The following MET variants were observed in gnomAD, a reference collection of about 807,000 sequenced individuals.
MET encodes hepatocyte growth factor receptor.
Under a neutral mutation model 133.1 loss-of-function variants are expected in MET, and 48 were observed. The ratio of observed to expected loss-of-function variants is 0.36; its 90% confidence interval spans 0.29 to 0.46. The LOEUF (loss-of-function observed/expected upper bound fraction) is 0.46, where lower values mean the gene tolerates loss of function less well. Ranked by LOEUF, MET falls within the 20% of genes least tolerant of loss-of-function variation. MET has a pLI of 1.00. For missense variants in MET, 1,442 were observed against 1,695.9 expected (o/e 0.85, Z 2.63); for synonymous variants, 628 against 616.5 (o/e 1.02, Z -0.28).
chr7:116,787,125 G>A (rs1795338751), intron 19 of MET, among the ~76,000 whole-genome samples: 1 of 152,152 alleles, frequency 6.6e-6, no homozygotes, highest in Admixed American at 6.5e-5. Context: ...AAGTGATAGT[G>A]CCATGTAGAG....
rs1554379158 is a variant in MET, at chr7:116,700,213, A to G, written c.1129A>G (p.Ile377Val). Residue 377 changes from isoleucine (I) to valine (V), a missense_variant, in exon 2 of 21, where the codon ATC becomes GTC. Ile to Val is a conservative substitution (Grantham distance 29). Around this residue, in one of 6 missense-constraint regions of MET, gnomAD observed 762 missense variants for 792.4 expected, o/e 0.96. Transcript: ENST00000397752. ...ATATGTCAACGACTTCTTCAACAAG[A>G]TCGTCAACAAAAACAATGTGAGATG... ...IKYVNDFFNK[I>V]VNKNNVRCLQ... 1 of 1,595,048 alleles carries G rather than the reference A, an allele frequency of 6.3e-7. No individual in the cohort carries two copies. The highest frequency in any genetic ancestry group is 8.5e-7 in the Non-Finnish European group (1 of 1,174,238).
chr7:116,749,736 A>G (rs1430833139), intron 5 of MET, among the ~76,000 whole-genome samples: 1 of 152,216 alleles, frequency 6.6e-6, no homozygotes, highest in Non-Finnish European at 1.5e-5. Flanking sequence ...AAATCTCCTT[A>G]AGCTGATAAG....
intron 1 of MET, among the ~76,000 whole-genome samples, chr7:116,695,014 C>G (rs900817628): frequency 1.3e-5 from 2 of 152,184 alleles, no homozygotes; most frequent in Non-Finnish European, 2.9e-5. Flanking sequence ...GTCATTCACA[C>G]TTCACACTGC....
At chr7:116,780,628 G>A (rs1795129989) in intron 17 of MET, among the ~76,000 whole-genome samples, 1 of 152,208 alleles carries the variant, frequency 6.6e-6, no homozygotes, top group African/African-American at 2.4e-5. Context: ...TTTAATCCAA[G>A]GAGCTGATAC....
At chr7:116,734,326 A>AC (rs1793133211) in intron 3 of MET, among the ~76,000 whole-genome samples, 1 of 152,122 alleles carries the variant, frequency 6.6e-6, no homozygotes, top group African/African-American at 2.4e-5. Context: ...TGCTTTGCAA[A>AC]TTTTTTTCTC....
At chr7:116,782,195 T>A in intron 18 of MET, 98 bp downstream of exon 18, 3 of 844,758 alleles carry the variant, frequency 3.6e-6, no homozygotes, top group Non-Finnish European at 5.9e-6. Flanking sequence ...TCTCTTCTTA[T>A]GCAAAAGTCC....
chr7:116,735,392 C>T (rs1311467716), intron 3 of MET, among the ~76,000 whole-genome samples: 1 of 152,224 alleles, frequency 6.6e-6, no homozygotes, highest in East Asian at 1.9e-4. Flanking sequence ...ACTTAAAGGA[C>T]TGTGTTAGTA....
intron 19 of MET, among the ~76,000 whole-genome samples, chr7:116,790,647 C>G (rs75217062): frequency 6.6e-6 from 1 of 151,980 alleles, no homozygotes; most frequent in African/African-American, 2.4e-5. Context: ...ATTGCTGGAT[C>G]ATATGGTAAT....
rs1793416195 is a variant in MET, at chr7:116,740,826, G to A, written c.1528-26G>A. The stretch of plus-strand genomic sequence containing the variant: ...TAACAAACTAGATACCCCTCTGGAA[G>A]CTCTTTCCACCCCTTCTCTTCACAG... On this transcript the variant is annotated intron_variant, in intron 4 of 20. Coordinates refer to ENST00000397752, the MANE Select transcript of MET (RefSeq NM_000245.4). The A allele has an allele frequency of 1.9e-6, 3 of 1,613,166 alleles. No individual in the cohort carries two copies. The African/African-American group carries it at 4.0e-5, about 22-fold the overall frequency.
intron 2 of MET, among the ~76,000 whole-genome samples, chr7:116,707,020 T>C (rs1256121742): frequency 6.6e-6 from 1 of 152,078 alleles, no homozygotes; most frequent in African/African-American, 2.4e-5. Flanking sequence ...TGTGAATTAC[T>C]TGCTGAGCCA....
intron 2 of MET, among the ~76,000 whole-genome samples, chr7:116,702,113 C>G (rs200644032): frequency 6.6e-6 from 1 of 152,042 alleles, no homozygotes; most frequent in Non-Finnish European, 1.5e-5. Context: ...GGGAGACAAA[C>G]AGACAGGATT....
chr7:116,709,444 AT>A (rs1213812053), intron 2 of MET, among the ~76,000 whole-genome samples: 2 of 152,250 alleles, frequency 1.3e-5, no homozygotes, highest in African/African-American at 4.8e-5. Context: ...TGACTGAATC[AT>A]AAGCAGTATT....
intron 1 of MET, among the ~76,000 whole-genome samples, chr7:116,697,481 C>T (rs904879619): frequency 3.9e-5 from 6 of 152,126 alleles, no homozygotes; most frequent in Non-Finnish European, 7.4e-5. Context: ...TTATTAATCA[C>T]CTCTTAAAGT....
chr7:116,710,794 A>G (rs560266467), intron 2 of MET, among the ~76,000 whole-genome samples: 4 of 152,332 alleles, frequency 2.6e-5, no homozygotes, highest in African/African-American at 9.6e-5. Context: ...TGGTGATAAG[A>G]TAACAATCCA....
At chr7:116,701,707 T>C (rs756484908) in intron 2 of MET, among the ~76,000 whole-genome samples, 5 of 152,134 alleles carry the variant, frequency 3.3e-5, no homozygotes, top group Non-Finnish European at 5.9e-5. Context: ...CCCTTTTCTT[T>C]ACTAGAAACT....
chr7:116,705,158 A>T (rs1159753967), intron 2 of MET, among the ~76,000 whole-genome samples: 1 of 152,132 alleles, frequency 6.6e-6, no homozygotes, highest in African/African-American at 2.4e-5. Flanking sequence ...TTTCTTTATT[A>T]TGATTATAAA....
rs2117067138 is a variant in MET, at chr7:116,783,428, G to C, written c.3757G>C (p.Glu1253Gln). 6.2e-7 allele frequency: 1 copy of C among 1,614,104 alleles called. No homozygotes were observed. The highest frequency in any genetic ancestry group is 8.5e-7 in the Non-Finnish European group (1 of 1,180,014). ...AKLPVKWMAL[E>Q]SLQTQKFTTK... is the part of the protein sequence containing the mutation. The stretch of plus-strand genomic sequence containing the variant: ...GCTGCCAGTGAAGTGGATGGCTTTG[G>C]AAAGTCTGCAAACTCAAAAGTTTAC... Residue 1253 changes from glutamate (E) to glutamine (Q), a missense_variant, in exon 19 of 21, where the codon GAA becomes CAA. Glu to Gln is a conservative substitution (Grantham distance 29, BLOSUM62 2). Coordinates refer to ENST00000397752, the MANE Select transcript of MET (RefSeq NM_000245.4).
intron 2 of MET, among the ~76,000 whole-genome samples, chr7:116,718,288 C>G (rs906227434): frequency 6.6e-6 from 1 of 151,944 alleles, no homozygotes; most frequent in African/African-American, 2.4e-5. Context: ...ATTCAGGAGG[C>G]TGAAGCAGGG....
chr7:116,777,658 C>A (rs899713873), intron 16 of MET, among the ~76,000 whole-genome samples, 189 bp downstream of exon 16: 1 of 152,148 alleles, frequency 6.6e-6, no homozygotes, highest in African/African-American at 2.4e-5. Context: ...GAAATGATCC[C>A]TCAGAGCCCT....
Sources: allele counts gnomAD v4.1 joint callset (sites outside exome capture counted in the v4.1 genomes callset), GRCh38; gene constraint gnomAD v4.1.1; regional missense constraint gnomAD v4.1.1; transcripts MANE v1.5; gene names NCBI Gene and HGNC (gene_info 2026-07-23, HGNC 2026-07-21).